The following CNOT1 variants were observed in gnomAD, a reference collection of about 807,000 sequenced individuals.
CNOT1 encodes CCR4-associated factor 1.
Under a neutral mutation model 273.8 loss-of-function variants are expected in CNOT1, and 15 were observed. The ratio of observed to expected loss-of-function variants is 0.05; its 90% CI spans 0.04 to 0.08. CNOT1 has a LOEUF of 0.08. Ranked by LOEUF, CNOT1 falls within the 10% of genes least tolerant of loss-of-function variation. The pLI is 1.00. For missense variants in CNOT1, 1,644 were observed against 2,912.2 expected, an observed-to-expected ratio of 0.56 and a Z score of 10.02; for synonymous variants, 1,022 against 1,005.5, an observed-to-expected ratio of 1.02 and a Z score of -0.31.
chr16:58,572,786 T>C (rs1346529503), intron 16 of CNOT1, among the ~76,000 whole-genome samples: 2 of 150,948 alleles, frequency 1.3e-5, no homozygotes, highest in African/African-American at 4.9e-5. Context: ...CATGTCTCTA[T>C]AGTCCAAGCT....
intron 27 of CNOT1, 140 bp from the exon 28 acceptor site, chr16:58,546,889 A>T: frequency 8.8e-7 from 1 of 1,137,800 alleles, no homozygotes; most frequent in Middle Eastern, 2.3e-4. Context: ...AAAATAACCA[A>T]AAACAGTTAA....
chr16:58,523,689 GAAATTAGATTTTAAAAATATTCATTTTTA>G, intron 46 of CNOT1, 187 bp from the exon 47 acceptor site: 1 of 468,092 alleles, frequency 2.1e-6, no homozygotes, highest in South Asian at 4.8e-5. Flanking sequence ...TTCCACATTA[GAAATTAGATTTTAAAAATATTCATTTTTA>G]AAAACAGACC....
At chr16:58,528,442 C>T (rs778597416) in intron 44 of CNOT1, 33 bp downstream of exon 44, 2 of 1,504,290 alleles carry the variant, frequency 1.3e-6, no homozygotes, top group Admixed American at 1.7e-5. Flanking sequence ...AATATTAAGA[C>T]ATAAGTTTTC....
chr16:58,605,322 G>A (rs1597580550), intron 1 of CNOT1, among the ~76,000 whole-genome samples: 1 of 152,002 alleles, frequency 6.6e-6, no homozygotes, highest in Non-Finnish European at 1.5e-5. Context: ...GGCCAACATG[G>A]TGAAACCCTA....
intron 34 of CNOT1, 70 bp downstream of exon 34, chr16:58,541,431 A>C: frequency 2.5e-6 from 4 of 1,570,628 alleles, no homozygotes. Context: ...CAAGTCAAAA[A>C]CATATATTAA....
rs58419483 is a variant in CNOT1 at position 58,526,817 on chromosome 16, C to CAAA, written c.6454-682_6454-680dup. ...GGGCAACAAGAACGAAACTCCGTCT[C>CAAA]AAAAAAAAAAAAAAAAAAAAAAATG... On this transcript the variant is annotated intron_variant, in intron 44 of 48. Transcript: ENST00000317147. Among the ~76,000 whole-genome samples the CAAA allele has an allele frequency of 2.9e-3, 254 of 88,054 alleles. 2 individuals carry two copies. The highest frequency in any genetic ancestry group is 7.9e-3 in the East Asian group (26 of 3,296). The allele number at this position is 88,054 out of a possible 152,430, so 57.8% of individuals were successfully genotyped here. A position where few individuals can be genotyped will look rare whatever the true frequency, so the allele number is the denominator to read the frequency against.
At chr16:58,617,750 A>C (rs2043144145) in intron 1 of CNOT1, among the ~76,000 whole-genome samples, 1 of 152,210 alleles carries the variant, frequency 6.6e-6, no homozygotes. Flanking sequence ...TCATGCCTGT[A>C]ATCTCAGGAC....
intron 16 of CNOT1, among the ~76,000 whole-genome samples, chr16:58,561,754 T>C (rs972584043): frequency 3.3e-5 from 5 of 152,198 alleles, no homozygotes; most frequent in African/African-American, 1.2e-4. Context: ...AGCAAGTAAG[T>C]ATAATGCAAA....
chr16:58,522,268 G>A lies in CNOT1; in HGVS notation c.6918-951C>T, dbSNP rs187083990. ...AAAAAAAAAAAAAAAAAAAAAAAAA[G>A]CTAACATTGCTAGTTCACATGTAAA... On this transcript the variant is annotated intron_variant, in intron 47 of 48. Transcript: ENST00000317147. 2.0e-3 allele frequency among the ~76,000 whole-genome samples: 221 copies of A among 109,240 alleles called. 3 individuals carry two copies. The highest frequency in any genetic ancestry group is 3.1e-3 in the Non-Finnish European group (162 of 51,944). 71.7% of individuals were successfully genotyped at this position (109,240 alleles called of 152,430 possible). A position where few individuals can be genotyped will look rare whatever the true frequency, so the allele number is the denominator to read the frequency against.
intron 34 of CNOT1, among the ~76,000 whole-genome samples, chr16:58,541,064 G>A (rs931189005): frequency 2.0e-5 from 3 of 152,110 alleles, no homozygotes; most frequent in Non-Finnish European, 4.4e-5. Context: ...AATTAGCTGA[G>A]CATGGTGGCA....
rs759952056 is a variant in CNOT1, at chr16:58,532,446, C to T, written c.5896-51G>A. ...GTAAATCATTCAGATAATCCACTCA[C>T]CACTTCGATGTCATGCTTTTTAAAC... On this transcript the variant is annotated intron_variant, in intron 40 of 48. Transcript: ENST00000317147. The T allele has an allele frequency of 1.2e-5, 19 of 1,587,788 alleles. No homozygotes were observed. The African/African-American group carries it at 1.8e-4, about 15-fold the overall frequency.
rs199694259 is a variant in CNOT1, at chr16:58,523,396, C to G, written c.6891G>C (p.Thr2297=). Reference sequence around the variant, plus strand: ...TTGTGATCTGTTCTTGGATGGCTTCCGTATTGGCCTCTGCAAAAAGGTACA... The same window carrying G: ...TTGTGATCTGTTCTTGGATGGCTTCGGTATTGGCCTCTGCAAAAAGGTACA... ...TMLYLFAEAN[T]EAIQEQITRV... Residue 2297 remains threonine (T), a synonymous_variant, in exon 47 of 49, where the codon ACG becomes ACC. Coordinates refer to ENST00000317147, the MANE Select transcript of CNOT1 (RefSeq NM_016284.5). The G allele has an allele frequency of 1.7e-5, 27 of 1,611,260 alleles. No homozygotes were observed. Among genetic ancestry groups the G allele is most frequent in the Middle Eastern group, 1.6e-4 (1 of 6,066 alleles).
chr16:58,618,628 G>A (rs573227549), intron 1 of CNOT1, among the ~76,000 whole-genome samples: 4 of 149,782 alleles, frequency 2.7e-5, no homozygotes, highest in African/African-American at 9.9e-5. Context: ...TCCAGCCTGG[G>A]CGACACAGAG....
At chr16:58,587,758 T>TAA in intron 4 of CNOT1, 22 bp downstream of exon 4, 2 of 1,610,744 alleles carry the variant, frequency 1.2e-6, no homozygotes, top group Non-Finnish European at 1.7e-6. Flanking sequence ...ATCACACTCT[T>TAA]AAAGATAATA....
At chr16:58,596,637 C>T (rs559478531) in intron 2 of CNOT1, among the ~76,000 whole-genome samples, 1 of 152,154 alleles carries the variant, frequency 6.6e-6, no homozygotes, top group South Asian at 2.1e-4. Flanking sequence ...CCTGTAATCC[C>T]AGCACTTTGG....
intron 1 of CNOT1, among the ~76,000 whole-genome samples, chr16:58,600,404 A>G (rs2042419506): frequency 6.6e-6 from 1 of 152,180 alleles, no homozygotes. Flanking sequence ...TTTCTATTTT[A>G]CCTATTTCAA....
intron 17 of CNOT1, among the ~76,000 whole-genome samples, chr16:58,559,596 A>C (rs1597458090): frequency 6.6e-6 from 1 of 152,226 alleles, no homozygotes; most frequent in African/African-American, 2.4e-5. Flanking sequence ...TTCCAGGCTT[A>C]AGTGTGTGGC....
chr16:58,596,667 C>G (rs893769942), intron 2 of CNOT1, among the ~76,000 whole-genome samples: 2 of 151,744 alleles, frequency 1.3e-5, no homozygotes, highest in Non-Finnish European at 2.9e-5. Flanking sequence ...GCGGGCGGAT[C>G]ACAAGGTCAG....
At chr16:58,593,207 C>T (rs4784960) in intron 2 of CNOT1, among the ~76,000 whole-genome samples, 114,406 of 152,012 alleles carry the variant, frequency 0.75, 43,464 homozygotes, top group Middle Eastern at 0.86. Flanking sequence ...CGGGATCTCT[C>T]GAGGTTAGGA....
Sources: allele counts gnomAD v4.1 joint callset (sites outside exome capture counted in the v4.1 genomes callset), GRCh38; gene constraint gnomAD v4.1.1; transcripts MANE v1.5; gene names NCBI Gene and HGNC (gene_info 2026-07-23, HGNC 2026-07-21).